Variants in GNAZ observed in about 807,000 individuals in gnomAD.
GNAZ encodes the protein guanine nucleotide-binding protein G(z) subunit alpha.
A neutral mutation model predicts 25.4 loss-of-function variants in GNAZ; 3 were observed. That is an observed-to-expected ratio of 0.12 (90% CI 0.05 to 0.30). The LOEUF (loss-of-function observed/expected upper bound fraction) is 0.30. Ranked by LOEUF, GNAZ falls within the 10% of genes least tolerant of loss-of-function variation. The pLI is 1.00. For missense variants in GNAZ, 241 were observed against 501.8 expected (o/e 0.48, Z 4.97); for synonymous variants, 211 against 205.7 (o/e 1.03, Z -0.22).
chr22:23,103,598 G>A (rs971930136), intron 2 of GNAZ, among the ~76,000 whole-genome samples: 2 of 152,218 alleles, frequency 1.3e-5, no homozygotes, highest in Admixed American at 1.3e-4. Flanking sequence ...CTCTTCCTCG[G>A]CAGATTTAAG....
Position 23,095,416 on chromosome 22 carries a change from A to T in GNAZ, c.-280A>T. Reference sequence around the variant, plus strand: ...GGACGGCTTCCCACCGTCGCCGAGGACAGGGAATGACTACGGCAAATCAGG... The same window carrying T: ...GGACGGCTTCCCACCGTCGCCGAGGTCAGGGAATGACTACGGCAAATCAGG... On this transcript the variant is annotated 5_prime_UTR_variant, in exon 2 of 3. Transcript: ENST00000615612. The T allele has an allele frequency of 2.3e-6, 1 of 440,684 alleles. No homozygotes were observed. The allele number at this position is 440,684 out of a possible 1,614,324, so 27.3% of individuals were successfully genotyped here. A position where few individuals can be genotyped will look rare whatever the true frequency, so the allele number is the denominator to read the frequency against.
intron 2 of GNAZ, among the ~76,000 whole-genome samples, chr22:23,102,485 G>A (rs965347211): frequency 3.3e-5 from 5 of 152,230 alleles, no homozygotes; most frequent in Non-Finnish European, 5.9e-5. Flanking sequence ...CCAAGGGTGG[G>A]GCCATTTCTT....
chr22:23,098,296 A>C (rs951911238), intron 2 of GNAZ, among the ~76,000 whole-genome samples: 1 of 152,166 alleles, frequency 6.6e-6, no homozygotes, highest in Non-Finnish European at 1.5e-5. Flanking sequence ...GTCTCATCCC[A>C]AGTGGCGCCT....
chr22:23,110,047 T>C (rs771501226), intron 2 of GNAZ, among the ~76,000 whole-genome samples: 5 of 152,256 alleles, frequency 3.3e-5, no homozygotes, highest in Non-Finnish European at 7.4e-5. Flanking sequence ...ACTAACCAGA[T>C]TGGACTGTAA....
intron 2 of GNAZ, among the ~76,000 whole-genome samples, chr22:23,119,459 C>G (rs2069946030): frequency 6.6e-6 from 1 of 152,266 alleles, no homozygotes; most frequent in African/African-American, 2.4e-5. Context: ...TCTCTGAGAG[C>G]TGCAGGCCTC....
intron 1 of GNAZ, among the ~76,000 whole-genome samples, chr22:23,092,391 C>T (rs1478201714): frequency 6.6e-6 from 1 of 152,122 alleles, no homozygotes; most frequent in Admixed American, 6.5e-5. Context: ...GGCGCTCATA[C>T]CCCCAAACAC....
intron 2 of GNAZ, among the ~76,000 whole-genome samples, chr22:23,119,706 G>T (rs146322767): frequency 6.6e-6 from 1 of 152,204 alleles, no homozygotes; most frequent in Non-Finnish European, 1.5e-5. Flanking sequence ...GGAGTGAGGC[G>T]GCAAGCTCAG....
At chr22:23,079,783 G>A (rs961875344) in intron 1 of GNAZ, among the ~76,000 whole-genome samples, 9 of 152,148 alleles carry the variant, frequency 5.9e-5, no homozygotes. Context: ...GTTCCCCTGA[G>A]GCTGGCTGGG....
chr22:23,101,195 G>A (rs533565200), intron 2 of GNAZ, among the ~76,000 whole-genome samples: 34 of 152,282 alleles, frequency 2.2e-4, no homozygotes, highest in African/African-American at 7.7e-4. Context: ...CTAACCAGCC[G>A]GCTTTGCAGA....
At chr22:23,121,720 C>CTTTT (rs10598505) in intron 2 of GNAZ, among the ~76,000 whole-genome samples, 1 of 123,182 alleles carries the variant, frequency 8.1e-6, no homozygotes, top group Non-Finnish European at 1.7e-5. Flanking sequence ...AGAAAAGTTC[C>CTTTT]TTTTTTTTTT....
chr22:23,105,703 C>T (rs2146344882), intron 2 of GNAZ, among the ~76,000 whole-genome samples: 1 of 152,380 alleles, frequency 6.6e-6, no homozygotes, highest in African/African-American at 2.4e-5. Context: ...GTGTTGACAG[C>T]TTCCAATCTA....
chr22:23,095,929 C>A lies in GNAZ; in HGVS notation c.234C>A (p.Ile78=), dbSNP rs41296233. ...AGCCCCTCATCATCTACAATGCCAT[C>A]GACTCGCTGACCCGCATCATCCGGG... is the stretch of plus-strand genomic sequence containing the variant. ...EYKPLIIYNA[I]DSLTRIIRAL... The change falls in exon 2 of 3, where the codon ATC becomes ATA. Residue 78 remains isoleucine, a synonymous_variant. Coordinates refer to ENST00000615612, the MANE Select transcript of GNAZ (RefSeq NM_002073.4). The A allele has an allele frequency of 6.8e-6, 11 of 1,613,144 alleles. No homozygotes were observed. Among genetic ancestry groups the A allele is most frequent in the Non-Finnish European group, 9.3e-6 (11 of 1,180,040 alleles).
Position 23,095,727 on chromosome 22 carries a change from A to C in GNAZ, c.32A>C (p.Glu11Ala), listed in dbSNP as rs772805782. The C allele has an allele frequency of 7.5e-6, 12 of 1,610,600 alleles. No homozygotes were observed. Among genetic ancestry groups the C allele is most frequent in the South Asian group, 3.3e-5 (3 of 90,944 alleles). The part of the protein sequence containing the change: MGCRQSSEEK[E>A]AARRSRRIDR... The stretch of plus-strand genomic sequence containing the variant: ...TGTCGGCAAAGCTCAGAGGAAAAAG[A>C]AGCAGCCCGGCGGTCCCGGAGAATT... Residue 11 changes from glutamate (E) to alanine (A), a missense_variant, in exon 2 of 3, where the codon GAA (glutamate) becomes GCA (alanine). Glu to Ala is a moderately radical substitution (Grantham distance 107). Transcript: ENST00000615612.
chr22:23,092,632 G>A (rs2069014630), intron 1 of GNAZ, among the ~76,000 whole-genome samples: 1 of 152,116 alleles, frequency 6.6e-6, no homozygotes, highest in Non-Finnish European at 1.5e-5. Flanking sequence ...CACACTGATC[G>A]AAGACTGCAT....
intron 1 of GNAZ, among the ~76,000 whole-genome samples, chr22:23,074,809 A>G (rs2068470779): frequency 6.6e-6 from 1 of 152,158 alleles, no homozygotes; most frequent in Non-Finnish European, 1.5e-5. Flanking sequence ...TCAAGCAGGC[A>G]GGGCATGCCC....
chr22:23,106,697 G>A (rs553556277), intron 2 of GNAZ, among the ~76,000 whole-genome samples: 6 of 152,386 alleles, frequency 3.9e-5, no homozygotes, highest in East Asian at 3.9e-4. Flanking sequence ...AGACGTGAGC[G>A]GTTGGCAGAG....
In GNAZ at chr22:23,123,219, A is replaced by G. The variant is rs759015647; in HGVS notation, c.856A>G (p.Ile286Val). The G allele has an allele frequency of 1.7e-5, 27 of 1,613,994 alleles. No homozygotes were observed. The East Asian group carries it at 4.9e-4, about 29-fold the overall frequency. The change falls in exon 3 of 3, where the codon ATC becomes GTC. Residue 286 changes from isoleucine (I) to valine (V), a missense_variant. Ile to Val is a conservative substitution (Grantham distance 29). Coordinates refer to ENST00000615612, the MANE Select transcript of GNAZ (RefSeq NM_002073.4). ...AEKIRRIPLT[I>V]CFPEYKGQNT... ...GAAGATCCGCCGCATCCCGCTCACC[A>G]TCTGCTTTCCCGAGTACAAGGGCCA...
chr22:23,072,830 G>A (rs1282484102), intron 1 of GNAZ, among the ~76,000 whole-genome samples: 1 of 152,340 alleles, frequency 6.6e-6, no homozygotes. Context: ...GAACCTCAGA[G>A]ACCTGGAGGC....
intron 2 of GNAZ, among the ~76,000 whole-genome samples, chr22:23,110,974 A>C (rs1456049847): frequency 6.6e-6 from 1 of 152,198 alleles, no homozygotes; most frequent in Non-Finnish European, 1.5e-5. Flanking sequence ...GATTCCATCT[A>C]GGTGCTGGGT....
Sources: allele counts gnomAD v4.1 joint callset (sites outside exome capture counted in the v4.1 genomes callset), GRCh38; gene constraint gnomAD v4.1.1; transcripts MANE v1.5; gene names NCBI Gene and HGNC (gene_info 2026-07-23, HGNC 2026-07-21).